Variants in SPEN observed in about 807,000 individuals in gnomAD.
SPEN encodes the protein spen family transcriptional repressor, also known as msx2-interacting protein.
Under a neutral mutation model 269.9 loss-of-function variants are expected in SPEN, and 18 were observed. That is an observed-to-expected ratio of 0.07 (90% CI 0.05 to 0.10). SPEN has a LOEUF of 0.10. SPEN is among the 10% of genes least tolerant of loss of function. The pLI, the probability that SPEN is intolerant of heterozygous loss-of-function variation, is 1.00. For synonymous variants in SPEN, 1,726 were observed against 1,765.7 expected, an observed-to-expected ratio of 0.98 and a Z score of 0.56; for missense variants, 3,822 against 4,631.2, an observed-to-expected ratio of 0.83 and a Z score of 5.07.
Position 15,929,413 on chromosome 1 carries a change from A to T in SPEN, c.3173A>T (p.Asn1058Ile). Residue 1058 changes from asparagine (N) to isoleucine (I), a missense_variant, in exon 11 of 15, where the codon AAT (asparagine) becomes ATT (isoleucine). By Grantham distance (149) the Asn-to-Ile change is moderately radical. Transcript: ENST00000375759. This position sits in a 1 kb window ranked among gnomAD's most constrained non-coding sequence, Gnocchi z 5.8. ...ESKKIKLDRLNTVASPKDCQE... is the reference protein window; with the variant it reads ...ESKKIKLDRLITVASPKDCQE... ...AAAAAAATCAAACTGGACAGACTTA[A>T]TACTGTTGCCAGCCCCAAAGACTGT... 1 of 1,613,832 alleles carries T rather than the reference A, an allele frequency of 6.2e-7. No homozygotes were observed. Among genetic ancestry groups the T allele is most frequent in the Non-Finnish European group, 8.5e-7 (1 of 1,179,924 alleles).
rs373739300 is a variant in SPEN, at chr1:15,851,807, AC to A, written c.83+3661del. 9.1e-4 allele frequency among the ~76,000 whole-genome samples: 138 copies of A among 151,862 alleles called. 5 individuals carry two copies. In the East Asian group the frequency reaches 0.02, roughly 22 times the overall value. On this transcript the variant is annotated intron_variant, in intron 1 of 14. Coordinates refer to ENST00000375759, the MANE Select transcript of SPEN (RefSeq NM_015001.3). Reference sequence around the variant, plus strand: ...AGACCAGCTTGGTGAACATGGTAAAACCCCGTCTCTACTAAAATACAAAAAA... The same window carrying A: ...AGACCAGCTTGGTGAACATGGTAAAACCCGTCTCTACTAAAATACAAAAAA...
chr1:15,876,653 A>G lies in SPEN; in HGVS notation c.856A>G (p.Ser286Gly). ...ATCCTCCAGTAGTGATTCAATCAGC[A>G]GCAGCAGTAGTACCAGCAGTGACAG... The part of the protein sequence containing the change: ...SRSSSSDSIS[S>G]SSSTSSDSSD... Residue 286 changes from serine (S) to glycine (G), a missense_variant, in exon 3 of 15, where the codon AGC becomes GGC. Physicochemically the swap from Ser to Gly is moderately conservative, Grantham distance 56 (BLOSUM62 0). Around this residue, in one of 16 missense-constraint regions of SPEN, gnomAD observed 327 missense variants for 350.8 expected, o/e 0.93. Coordinates refer to ENST00000375759, the MANE Select transcript of SPEN (RefSeq NM_015001.3). The G allele has an allele frequency of 6.2e-7, 1 of 1,613,270 alleles. No homozygotes were observed. The highest frequency in any genetic ancestry group is 8.5e-7 in the Non-Finnish European group (1 of 1,179,750).
At chr1:15,870,892 A>G (rs1352685095) in intron 1 of SPEN, among the ~76,000 whole-genome samples, 3 of 152,202 alleles carry the variant, frequency 2.0e-5, no homozygotes, top group Non-Finnish European at 4.4e-5. Context: ...TCTTCTTTTC[A>G]CATACCAACG....
chr1:15,875,282 T>TTAATC (rs2070619779), intron 2 of SPEN, among the ~76,000 whole-genome samples: 1 of 151,854 alleles, frequency 6.6e-6, no homozygotes, highest in Non-Finnish European at 1.5e-5. Flanking sequence ...AATGATTGTT[T>TTAATC]AAGTTAAGCT....
chr1:15,900,949 T>C (rs151094798), intron 3 of SPEN, among the ~76,000 whole-genome samples: 2 of 151,922 alleles, frequency 1.3e-5, no homozygotes, highest in East Asian at 3.9e-4. Context: ...TGAAAGATCA[T>C]GAGGTCTGCT....
chr1:15,861,130 G>A (rs12023422), intron 1 of SPEN, among the ~76,000 whole-genome samples: 49,807 of 149,952 alleles, frequency 0.33, 9,956 homozygotes, highest in East Asian at 0.69. Context: ...GTCAGGCTGA[G>A]TGACTTTTTT....
At chr1:15,910,574 T>C (rs1365897795) in intron 4 of SPEN, among the ~76,000 whole-genome samples, 1 of 152,060 alleles carries the variant, frequency 6.6e-6, no homozygotes, top group African/African-American at 2.4e-5. Context: ...AAATCATCAT[T>C]TTGCATTTTT....
intron 8 of SPEN, among the ~76,000 whole-genome samples, chr1:15,920,051 C>CT (rs201292788): frequency 3.4e-4 from 49 of 145,628 alleles, no homozygotes; most frequent in South Asian, 2.0e-3. Flanking sequence ...CTTGACAATG[C>CT]TTTTTTTTTT....
intron 3 of SPEN, among the ~76,000 whole-genome samples, chr1:15,894,572 C>T (rs1278140167): frequency 2.4e-5 from 3 of 125,246 alleles, no homozygotes; most frequent in African/African-American, 6.5e-5. Context: ...GACGGAGTCT[C>T]GCTCTTTCGC....
chr1:15,888,071 G>A (rs1172089421), intron 3 of SPEN, among the ~76,000 whole-genome samples: 1 of 151,380 alleles, frequency 6.6e-6, no homozygotes, highest in Non-Finnish European at 1.5e-5. Flanking sequence ...TAATTACGCA[G>A]ATTAAAGTTT....
In SPEN at chr1:15,930,001, A is replaced by G; in HGVS notation, c.3761A>G (p.Asp1254Gly). The G allele has an allele frequency of 6.2e-7, 1 of 1,614,192 alleles. No individual in the cohort carries two copies. The highest frequency in any genetic ancestry group is 8.5e-7 in the Non-Finnish European group (1 of 1,180,040). Residue 1254 changes from aspartate to glycine, a missense_variant, in exon 11 of 15, where the codon GAT becomes GGT. This residue lies in a region of SPEN where 267 missense variants were observed against 315.5 expected (regional missense o/e 0.85). Coordinates refer to ENST00000375759, the MANE Select transcript of SPEN (RefSeq NM_015001.3). This position sits in a 1 kb window ranked among gnomAD's most constrained non-coding sequence, Gnocchi z 5.3. ...AGAAGTTCACGCCAAATCAGCGAAG[A>G]TTCTGAAAGGACTGGTGGTTCTCCC... ...NYRSSRQISEDSERTGGSPSV... is the reference protein window; with the variant it reads ...NYRSSRQISEGSERTGGSPSV...
At chr1:15,899,630 C>G (rs1388714420) in intron 3 of SPEN, among the ~76,000 whole-genome samples, 1 of 149,790 alleles carries the variant, frequency 6.7e-6, no homozygotes, top group African/African-American at 2.5e-5. Flanking sequence ...CCTCAGGCTC[C>G]CAAGTAGTGT....
rs544556540 is a variant in SPEN at position 15,904,493 on chromosome 1, G to A, written c.882-4828G>A. 6.1e-5 allele frequency among the ~76,000 whole-genome samples: 7 copies of A among 115,030 alleles called. No individual in the cohort carries two copies. The East Asian group carries it at 1.7e-3, about 27-fold the overall frequency. The allele number at this position is 115,030 out of a possible 152,430, so 75.5% of individuals were successfully genotyped here. A position where few individuals can be genotyped will look rare whatever the true frequency, so the allele number is the denominator to read the frequency against. On this transcript the variant is annotated intron_variant, in intron 3 of 14. Coordinates refer to ENST00000375759, the MANE Select transcript of SPEN (RefSeq NM_015001.3). The stretch of plus-strand genomic sequence containing the variant: ...AAAAAAAAAAGTGAACTAAAAACTT[G>A]TACCATTTTTATTGTTTCATAATTA...
chr1:15,851,356 G>A (rs866479441), intron 1 of SPEN, among the ~76,000 whole-genome samples: 2 of 152,100 alleles, frequency 1.3e-5, no homozygotes, highest in African/African-American at 4.8e-5. Context: ...AATTAAATGA[G>A]AACTATTTCT....
At chr1:15,915,989 T>C (rs889724389) in intron 5 of SPEN, 139 bp from the exon 6 acceptor site, 19 of 965,540 alleles carry the variant, frequency 2.0e-5, no homozygotes, top group Non-Finnish European at 2.8e-5. Context: ...TGAAGGTGTT[T>C]ATGATATTTC....
Position 15,928,603 on chromosome 1 carries a change from A to G in SPEN, c.2363A>G (p.Asn788Ser). Residue 788 changes from asparagine to serine, a missense_variant, in exon 11 of 15, where the codon AAT (asparagine) becomes AGT (serine). Physicochemically the swap from Asn to Ser is conservative, Grantham distance 46. Transcript: ENST00000375759. The surrounding 1 kb of genome is among the most constrained non-coding windows in gnomAD (Gnocchi z 5.7). ...TCTCGTTTGGAGCGCTATACAAAAA[A>G]TGAAAAGACAGATAAAGAACGAACT... The part of the protein sequence containing the change: ...DKSRLERYTK[N>S]EKTDKERTFD... The G allele has an allele frequency of 1.2e-6, 2 of 1,614,216 alleles. No homozygotes were observed. The highest frequency in any genetic ancestry group is 1.7e-6 in the Non-Finnish European group (2 of 1,180,044).
intron 2 of SPEN, chr1:15,874,023 C>T (rs1319889067): frequency 1.5e-5 from 18 of 1,222,614 alleles, no homozygotes; most frequent in African/African-American, 1.6e-5. Context: ...GAACTATTGG[C>T]GAGCAACTGT....
chr1:15,864,071 A>C (rs2070473140), intron 1 of SPEN, among the ~76,000 whole-genome samples: 1 of 152,210 alleles, frequency 6.6e-6, no homozygotes, highest in Non-Finnish European at 1.5e-5. Context: ...TAAGCCAGTT[A>C]ACAAAAGAAG....
rs186999665 is a variant in SPEN at position 15,856,670 on chromosome 1, C to G, written c.83+8520C>G. Among the ~76,000 whole-genome samples the G allele has an allele frequency of 6.7e-5, 10 of 150,104 alleles. No homozygotes were observed. In the East Asian group the frequency reaches 2.0e-3, roughly 30 times the overall value. ...GCAACCTCTGCCTCCCAGGTTCCAG[C>G]AATTCTCCTGCCTCAGTTTCTCGAG... On this transcript the variant is annotated intron_variant, in intron 1 of 14. Transcript: ENST00000375759.
Sources: allele counts gnomAD v4.1 joint callset (sites outside exome capture counted in the v4.1 genomes callset), GRCh38; gene constraint gnomAD v4.1.1; regional missense constraint gnomAD v4.1.1; non-coding constraint Gnocchi (gnomAD v3.1); transcripts MANE v1.5; gene names NCBI Gene and HGNC (gene_info 2026-07-23, HGNC 2026-07-21).